PTBP2: variants seen among roughly 807,000 people sequenced by gnomAD.
The protein encoded by PTBP2 is polypyrimidine tract-binding protein 2.
A neutral mutation model predicts 61.4 loss-of-function variants in PTBP2; 13 were observed. The observed-to-expected ratio is 0.21, with a 90% CI of 0.14 to 0.34. The LOEUF is 0.34. Among genes scored for constraint, PTBP2 ranks in the 10% least tolerant of loss-of-function variants. The pLI is 1.00. For synonymous variants in PTBP2, 215 were observed against 218.5 expected (o/e 0.98, Z 0.14); for missense variants, 405 against 642.6 (o/e 0.63, Z 4.00).
At chr1:96,722,288 T>C (rs1201637176) in intron 1 of PTBP2, among the ~76,000 whole-genome samples, 1 of 151,864 alleles carries the variant, frequency 6.6e-6, no homozygotes, top group Non-Finnish European at 1.5e-5. Flanking sequence ...AGACAGGCCT[T>C]TGGATTGGGG....
In PTBP2 at chr1:96,814,991, T is replaced by C. The variant is rs1662411079; in HGVS notation, c.*1586T>C. 6.6e-6 allele frequency: 1 copy of C among 152,414 alleles called. No individual in the cohort carries two copies. The highest frequency in any genetic ancestry group is 1.5e-5 in the Non-Finnish European group (1 of 67,962). 9.4% of individuals were successfully genotyped at this position (152,414 alleles called of 1,614,324 possible). A position where few individuals can be genotyped will look rare whatever the true frequency, so the allele number is the denominator to read the frequency against. On this transcript the variant is annotated 3_prime_UTR_variant, in exon 14 of 14. Transcript: ENST00000674951. ...ATTCTCTGCCAGGGTGGGAAAGGAGTAATAATATTACAATTCTATGGCTTT... is the reference window on the plus strand; with the variant it reads ...ATTCTCTGCCAGGGTGGGAAAGGAGCAATAATATTACAATTCTATGGCTTT...
intron 1 of PTBP2, among the ~76,000 whole-genome samples, chr1:96,723,245 G>A (rs1649881762): frequency 6.6e-6 from 1 of 152,222 alleles, no homozygotes; most frequent in African/African-American, 2.4e-5. Flanking sequence ...CTACTAAAGA[G>A]TTTAAGCGTT....
chr1:96,785,176 G>C lies in PTBP2; in HGVS notation c.826G>C (p.Asp276His). 1.2e-6 allele frequency: 2 copies of C among 1,611,248 alleles called. No homozygotes were observed. The highest frequency in any genetic ancestry group is 1.7e-6 in the Non-Finnish European group (2 of 1,178,880). Residue 276 changes from aspartate to histidine, a missense_variant, in exon 8 of 14, where the codon GAT (aspartate) becomes CAT (histidine). Transcript: ENST00000674951. The stretch of plus-strand genomic sequence containing the variant: ...TAAAAGTAGGGATTATACTCGACCT[G>C]ATCTTCCATCTGGGGATGGACAACC... ...NDKSRDYTRP[D>H]LPSGDGQPAL...
At chr1:96,723,130 G>A (rs1649862452) in intron 1 of PTBP2, among the ~76,000 whole-genome samples, 1 of 152,090 alleles carries the variant, frequency 6.6e-6, no homozygotes, top group Non-Finnish European at 1.5e-5. Flanking sequence ...TTTTCCAGAT[G>A]AAACAAATCC....
intron 2 of PTBP2, among the ~76,000 whole-genome samples, chr1:96,748,611 T>C (rs1023184270): frequency 1.3e-5 from 2 of 152,216 alleles, no homozygotes; most frequent in African/African-American, 4.8e-5. Context: ...TAACATTTAA[T>C]TTCTTTTAGT....
chr1:96,726,783 C>T (rs934437671), intron 2 of PTBP2, among the ~76,000 whole-genome samples: 15 of 152,114 alleles, frequency 9.9e-5, no homozygotes, highest in African/African-American at 3.6e-4. Context: ...CAGGGTTTCA[C>T]CATTTTGGCC....
At chr1:96,789,834 C>A (rs2101094357) in intron 8 of PTBP2, among the ~76,000 whole-genome samples, 1 of 152,144 alleles carries the variant, frequency 6.6e-6, no homozygotes, top group Non-Finnish European at 1.5e-5. Flanking sequence ...TGTGACATGT[C>A]TTCTCAAATA....
chr1:96,822,138 C>G (rs149272730), exon 14 of PTBP2: 2 of 152,282 alleles, frequency 1.3e-5, no homozygotes, highest in East Asian at 3.9e-4. Context: ...ATGGGGCTTT[C>G]AGTTCAGTAT....
chr1:96,751,690 T>C (rs984280811), intron 3 of PTBP2, among the ~76,000 whole-genome samples, 190 bp downstream of exon 3: 1 of 151,956 alleles, frequency 6.6e-6, no homozygotes, highest in Non-Finnish European at 1.5e-5. Context: ...CTGGTAACTT[T>C]GGTGAACAAG....
At chr1:96,774,971 G>C (rs1657862848) in intron 5 of PTBP2, among the ~76,000 whole-genome samples, 1 of 152,172 alleles carries the variant, frequency 6.6e-6, no homozygotes, top group Non-Finnish European at 1.5e-5. Flanking sequence ...CTGCTCTCAT[G>C]CATGGAATAT....
intron 9 of PTBP2, 102 bp downstream of exon 9, chr1:96,805,041 T>G: frequency 1.1e-6 from 1 of 883,810 alleles, no homozygotes; most frequent in Non-Finnish European, 1.6e-6. Context: ...TTTATGTACA[T>G]TCATTAGTCA....
chr1:96,777,722 C>T lies in PTBP2; in HGVS notation c.570C>T (p.Tyr190=). 1 of 1,605,604 alleles carries T rather than the reference C, an allele frequency of 6.2e-7. No individual in the cohort carries two copies. Among genetic ancestry groups the T allele is most frequent in the Non-Finnish European group, 8.5e-7 (1 of 1,175,612 alleles). Residue 190 remains tyrosine, a synonymous_variant, in exon 6 of 14, where the codon TAC becomes TAT. Transcript: ENST00000674951. The part of the protein sequence containing the change: ...VLRIIIDNMY[Y]PVTLDVLHQI... ...GAATAATTATTGACAACATGTACTA[C>T]CCTGTAACACTTGATGTTCTTCACC...
chr1:96,819,827 A>G (rs188253085), downstream of PTBP2: 2 of 151,820 alleles, frequency 1.3e-5, no homozygotes, highest in Non-Finnish European at 1.5e-5. Flanking sequence ...TTACTGGTAT[A>G]TTCAACTATG....
intron 3 of PTBP2, among the ~76,000 whole-genome samples, chr1:96,763,466 C>T (rs940983729): frequency 6.6e-6 from 1 of 151,280 alleles, no homozygotes; most frequent in Admixed American, 6.6e-5. Flanking sequence ...CAATAGCAGG[C>T]ACTCGGCAGG....
chr1:96,773,120 T>A, intron 5 of PTBP2, among the ~76,000 whole-genome samples: 1 of 79,526 alleles, frequency 1.3e-5, no homozygotes. Flanking sequence ...CGAGACTCTA[T>A]CTCAAAAAAA....
intron 3 of PTBP2, among the ~76,000 whole-genome samples, chr1:96,766,603 T>C (rs185155638): frequency 6.6e-6 from 1 of 152,294 alleles, no homozygotes; most frequent in African/African-American, 2.4e-5. Flanking sequence ...AAAATAGGCT[T>C]TGTTATATTA....
intron 1 of PTBP2, among the ~76,000 whole-genome samples, chr1:96,722,664 C>T (rs1451241523): frequency 6.6e-6 from 1 of 152,182 alleles, no homozygotes; most frequent in Non-Finnish European, 1.5e-5. Flanking sequence ...ACAGCAATGG[C>T]AGAAACAAGA....
chr1:96,769,757 C>A lies in PTBP2; in HGVS notation c.170C>A (p.Pro57His). 1 of 1,609,360 alleles carries A rather than the reference C, an allele frequency of 6.2e-7. No homozygotes were observed. Among genetic ancestry groups the A allele is most frequent in the Non-Finnish European group, 8.5e-7 (1 of 1,177,638 alleles). Residue 57 changes from proline (P) to histidine (H), a missense_variant, in exon 4 of 14, where the codon CCT becomes CAT. This residue lies in a region of PTBP2 where 342 missense variants were observed against 491.2 expected (regional missense o/e 0.70). Coordinates refer to ENST00000674951, the MANE Select transcript of PTBP2 (RefSeq NM_021190.4). ...FKGEDKMDGAPSRVLHIRKLP... is the reference protein window; with the variant it reads ...FKGEDKMDGAHSRVLHIRKLP... ...GGAGAAGATAAAATGGATGGTGCTCCTTCTCGTGTACTTCATATTCGAAAA... is the reference window on the plus strand; with the variant it reads ...GGAGAAGATAAAATGGATGGTGCTCATTCTCGTGTACTTCATATTCGAAAA...
intron 2 of PTBP2, among the ~76,000 whole-genome samples, chr1:96,743,186 C>A (rs531182): frequency 6.6e-6 from 1 of 151,440 alleles, no homozygotes; most frequent in Admixed American, 6.6e-5. Flanking sequence ...ACTCGGGAGG[C>A]TGAGGCAGGA....
Sources: allele counts gnomAD v4.1 joint callset (sites outside exome capture counted in the v4.1 genomes callset), GRCh38; gene constraint gnomAD v4.1.1; regional missense constraint gnomAD v4.1.1; transcripts MANE v1.5; gene names NCBI Gene and HGNC (gene_info 2026-07-23, HGNC 2026-07-21).